The following CCSER1 variants were observed in gnomAD, a reference collection of about 807,000 sequenced individuals.
CCSER1 encodes the protein serine-rich coiled-coil domain-containing protein 1.
A neutral mutation model predicts 82.0 loss-of-function variants in CCSER1; 41 were observed. The ratio of observed to expected loss-of-function variants is 0.50; its 90% CI spans 0.39 to 0.65. CCSER1 has a LOEUF of 0.65. Ranked by LOEUF, CCSER1 falls within the 30% of genes least tolerant of loss-of-function variation. The probability of loss-of-function intolerance (pLI) is 0.00; values close to 1 mark genes in which losing one functional copy is unlikely to be tolerated. For synonymous variants in CCSER1, 414 were observed against 383.9 expected (o/e 1.08, Z -0.92); for missense variants, 1,119 against 1,064.2 (o/e 1.05, Z -0.72).
chr4:91,342,204 T>C (rs1055332778), intron 10 of CCSER1, among the ~76,000 whole-genome samples: 1 of 152,226 alleles, frequency 6.6e-6, no homozygotes, highest in African/African-American at 2.4e-5. Context: ...CATTTCTAGA[T>C]GAAGAAGGCC....
At chr4:91,082,788 C>T (rs1010769059) in intron 9 of CCSER1, among the ~76,000 whole-genome samples, 17 of 152,138 alleles carry the variant, frequency 1.1e-4, no homozygotes, top group Non-Finnish European at 1.9e-4. Context: ...GACATTTATG[C>T]AGCCAAAAGA....
At chr4:90,213,622 G>T (rs1001257675) in intron 1 of CCSER1, among the ~76,000 whole-genome samples, 1 of 152,120 alleles carries the variant, frequency 6.6e-6, no homozygotes, top group African/African-American at 2.4e-5. Flanking sequence ...CTATGAAGAA[G>T]AACCAGCAAA....
At chr4:90,206,809 G>C (rs1370445973) in intron 1 of CCSER1, among the ~76,000 whole-genome samples, 2 of 148,268 alleles carry the variant, frequency 1.3e-5, no homozygotes, top group Non-Finnish European at 3.0e-5. Flanking sequence ...TACTTTGTGG[G>C]AGTCTGAGTC....
chr4:91,266,747 TG>T (rs1741624772), intron 10 of CCSER1, among the ~76,000 whole-genome samples: 1 of 152,212 alleles, frequency 6.6e-6, no homozygotes, highest in African/African-American at 2.4e-5. Flanking sequence ...TTTCTGGTTT[TG>T]CATACTTTAG....
chr4:90,512,664 A>T (rs1240712519), intron 5 of CCSER1, among the ~76,000 whole-genome samples: 1 of 152,214 alleles, frequency 6.6e-6, no homozygotes, highest in Non-Finnish European at 1.5e-5. Context: ...TTACACTGTG[A>T]TATATTCCAA....
intron 3 of CCSER1, among the ~76,000 whole-genome samples, chr4:90,317,608 T>C (rs1445618776): frequency 1.3e-5 from 2 of 152,018 alleles, no homozygotes; most frequent in African/African-American, 4.8e-5. Flanking sequence ...AACAACAAAG[T>C]GAAACTCTGT....
intron 3 of CCSER1, among the ~76,000 whole-genome samples, chr4:90,331,174 TCACTA>T (rs1239059019): frequency 6.6e-6 from 1 of 152,030 alleles, no homozygotes; most frequent in Non-Finnish European, 1.5e-5. Context: ...GATAAAAACT[TCACTA>T]AAAATATTTT....
intron 10 of CCSER1, among the ~76,000 whole-genome samples, chr4:91,367,130 CA>C (rs70965488): frequency 0.063 from 4,039 of 63,680 alleles, 148 homozygotes; most frequent in African/African-American, 0.22. Context: ...ACCATCTCTC[CA>C]AAAAAAAAAA....
chr4:90,226,750 G>A (rs759659284), intron 1 of CCSER1, among the ~76,000 whole-genome samples: 1 of 152,216 alleles, frequency 6.6e-6, no homozygotes, highest in Non-Finnish European at 1.5e-5. Flanking sequence ...TCAAGAAAGA[G>A]CTTGTTCTTC....
intron 1 of CCSER1, among the ~76,000 whole-genome samples, chr4:90,134,331 A>G (rs1159648188): frequency 6.6e-6 from 1 of 152,208 alleles, no homozygotes; most frequent in Non-Finnish European, 1.5e-5. Flanking sequence ...TCTGTGTATT[A>G]CCTGTCCTTT....
chr4:90,469,524 A>AACACACACACACAC lies in CCSER1; in HGVS notation c.1724+1200_1724+1213dup, dbSNP rs3971380. 1.0e-2 allele frequency among the ~76,000 whole-genome samples: 1,360 copies of AACACACACACACAC among 136,396 alleles called. 23 individuals are homozygous for AACACACACACACAC. Among genetic ancestry groups the AACACACACACACAC allele is most frequent in the East Asian group, 0.051 (229 of 4,484 alleles). The allele number at this position is 136,396 out of a possible 152,430, so 89.5% of individuals were successfully genotyped here. The stretch of plus-strand genomic sequence containing the variant: ...AAAGCTCAAATGTGTTTTCCTGCAA[A>AACACACACACACAC]ACACACACACACACACACACACACA... On this transcript the variant is annotated intron_variant, in intron 5 of 10. Transcript: ENST00000509176.
chr4:90,858,911 T>G (rs1408443960), intron 8 of CCSER1, among the ~76,000 whole-genome samples: 1 of 151,838 alleles, frequency 6.6e-6, no homozygotes, highest in Non-Finnish European at 1.5e-5. Flanking sequence ...CTTATCAGAT[T>G]GGGAGTAAAA....
chr4:90,473,659 G>C (rs1764690979), intron 5 of CCSER1, among the ~76,000 whole-genome samples: 1 of 152,122 alleles, frequency 6.6e-6, no homozygotes, highest in Admixed American at 6.5e-5. Context: ...AGCTCTGTTT[G>C]TTTATTTATC....
At chr4:90,918,363 A>G (rs1241606284) in intron 8 of CCSER1, 1 of 418,520 alleles carries the variant, frequency 2.4e-6, no homozygotes, top group Non-Finnish European at 4.7e-6. Flanking sequence ...AATTGGACTG[A>G]TTTTTTGGGA....
chr4:91,324,689 C>T (rs189301885), intron 10 of CCSER1, among the ~76,000 whole-genome samples: 2 of 152,132 alleles, frequency 1.3e-5, no homozygotes, highest in East Asian at 1.9e-4. Context: ...TGAATAAATA[C>T]AGATTTTATT....
At chr4:90,655,936 C>G (rs1729622910) in intron 6 of CCSER1, among the ~76,000 whole-genome samples, 1 of 151,860 alleles carries the variant, frequency 6.6e-6, no homozygotes, top group South Asian at 2.1e-4. Context: ...GCAAGATATT[C>G]TAAGAGGCTT....
At chr4:91,139,338 A>G (rs1163524654) in intron 10 of CCSER1, among the ~76,000 whole-genome samples, 2 of 152,012 alleles carry the variant, frequency 1.3e-5, no homozygotes, top group African/African-American at 4.8e-5. Context: ...CTATTTAAAT[A>G]CCACTTATCG....
At chr4:90,190,135 G>A (rs1578402374) in intron 1 of CCSER1, among the ~76,000 whole-genome samples, 2 of 151,996 alleles carry the variant, frequency 1.3e-5, no homozygotes, top group African/African-American at 4.8e-5. Flanking sequence ...AGAAACTGAA[G>A]TACAGAAATG....
chr4:90,904,333 CCTGTTTTCTTTCTTTT>C (rs1420263193), intron 8 of CCSER1, among the ~76,000 whole-genome samples: 2 of 152,110 alleles, frequency 1.3e-5, no homozygotes, highest in African/African-American at 4.8e-5. Context: ...TTCTTTGCTT[CCTGTTTTCTTTCTTTT>C]TCTTTGTAGA....
Sources: allele counts gnomAD v4.1 joint callset (sites outside exome capture counted in the v4.1 genomes callset), GRCh38; gene constraint gnomAD v4.1.1; transcripts MANE v1.5; gene names NCBI Gene and HGNC (gene_info 2026-07-23, HGNC 2026-07-21).